SH3BP5: variants seen among roughly 807,000 people sequenced by gnomAD.
SH3BP5 encodes the protein SH3 domain-binding protein 5.
SH3BP5 carries 22 observed loss-of-function variants against 43.3 expected under a neutral mutation model. That is an observed-to-expected ratio of 0.51 (90% CI 0.36 to 0.73). The LOEUF (loss-of-function observed/expected upper bound fraction) is 0.73, where lower values mean the gene tolerates loss of function less well. Among genes scored for constraint, SH3BP5 ranks in the 30% least tolerant of loss-of-function variants. The probability of loss-of-function intolerance (pLI) is 0.00; values close to 1 mark genes in which losing one functional copy is unlikely to be tolerated. For missense variants in SH3BP5, 529 were observed against 586.9 expected (o/e 0.90, Z 1.02); for synonymous variants, 255 against 225.8 (o/e 1.13, Z -1.16).
chr3:15,297,836 T>C (rs1432274725), intron 3 of SH3BP5, among the ~76,000 whole-genome samples: 1 of 152,126 alleles, frequency 6.6e-6, no homozygotes, highest in Admixed American at 6.5e-5. Flanking sequence ...TGACTGTATA[T>C]GTGAGAGATC....
At chr3:15,318,807 A>G (rs527460263) in intron 2 of SH3BP5, among the ~76,000 whole-genome samples, 12 of 152,338 alleles carry the variant, frequency 7.9e-5, no homozygotes, top group African/African-American at 2.9e-4. Flanking sequence ...CGTAGCCTCA[A>G]GCCATCTGCT....
intron 2 of SH3BP5, among the ~76,000 whole-genome samples, chr3:15,307,250 C>T (rs1341749547): frequency 2.0e-5 from 3 of 152,132 alleles, no homozygotes; most frequent in African/African-American, 7.2e-5. Flanking sequence ...CCTTATCAGA[C>T]CAGGCTTAGG....
At chr3:15,329,646 G>A (rs1282314103) in intron 2 of SH3BP5, among the ~76,000 whole-genome samples, 3 of 152,192 alleles carry the variant, frequency 2.0e-5, no homozygotes, top group Non-Finnish European at 4.4e-5. Context: ...GGGACCATGT[G>A]CTTCTTGTCC....
intron 3 of SH3BP5, chr3:15,273,414 GAA>G (rs1696873054): frequency 8.1e-6 from 8 of 985,248 alleles, no homozygotes; most frequent in Non-Finnish European, 9.6e-6. Context: ...CTCTACAAAG[GAA>G]AAGAGGAAGC....
At chr3:15,268,962 C>A (rs752295051) in intron 4 of SH3BP5, among the ~76,000 whole-genome samples, 5 of 152,130 alleles carry the variant, frequency 3.3e-5, no homozygotes, top group Non-Finnish European at 7.4e-5. Flanking sequence ...TCCTACCTAC[C>A]AATGCACTTC....
chr3:15,339,914 G>GCT, intron 1 of SH3BP5: 1 of 152,010 alleles, frequency 6.6e-6, no homozygotes, highest in East Asian at 1.9e-4. Flanking sequence ...CTAAAAAAAG[G>GCT]GGGGAAAAAG....
At chr3:15,304,331 C>T (rs750390955) in intron 2 of SH3BP5, 100 bp from the exon 3 acceptor site, 9 of 1,566,938 alleles carry the variant, frequency 5.7e-6, no homozygotes, top group Middle Eastern at 1.7e-4. Flanking sequence ...GGACTTTACC[C>T]AACGTACAGA....
At chr3:15,299,483 ATT>A (rs60281447) in intron 3 of SH3BP5, among the ~76,000 whole-genome samples, 174 of 92,242 alleles carry the variant, frequency 1.9e-3, no homozygotes, top group African/African-American at 6.3e-3. Context: ...CAACAATTAG[ATT>A]TTTTTTTTTT....
intron 5 of SH3BP5, among the ~76,000 whole-genome samples, chr3:15,261,750 C>G (rs1696450246): frequency 6.6e-6 from 1 of 151,984 alleles, no homozygotes; most frequent in Admixed American, 6.6e-5. Context: ...TTTATCAGCT[C>G]TTGATCACAG....
In SH3BP5 at chr3:15,256,009, T is replaced by G; in HGVS notation, c.*77A>C. 8.3e-7 allele frequency: 1 copy of G among 1,208,430 alleles called. No individual in the cohort carries two copies. Among genetic ancestry groups the G allele is most frequent in the Admixed American group, 1.9e-5 (1 of 51,688 alleles). 74.9% of individuals were successfully genotyped at this position (1,208,430 alleles called of 1,614,324 possible). A position where few individuals can be genotyped will look rare whatever the true frequency, so the allele number is the denominator to read the frequency against. Reference sequence around the variant, plus strand: ...TAGACGTGTAAGATTTGGCATATATTAAATGATTATTGGCACAATGTTCTC... The same window carrying G: ...TAGACGTGTAAGATTTGGCATATATGAAATGATTATTGGCACAATGTTCTC... On this transcript the variant is annotated 3_prime_UTR_variant, in exon 9 of 9. Coordinates refer to ENST00000383791, the MANE Select transcript of SH3BP5 (RefSeq NM_004844.5).
At chr3:15,338,420 A>G (rs1365723370) in intron 1 of SH3BP5, among the ~76,000 whole-genome samples, 1 of 152,264 alleles carries the variant, frequency 6.6e-6, no homozygotes, top group African/African-American at 2.4e-5. Context: ...TGTCTGGACT[A>G]AGAATGAATC....
intron 3 of SH3BP5, among the ~76,000 whole-genome samples, chr3:15,284,235 G>T (rs1480212898): frequency 6.6e-6 from 1 of 152,124 alleles, no homozygotes; most frequent in Non-Finnish European, 1.5e-5. Context: ...CTCTCTCCAT[G>T]CCACCATCTG....
At chr3:15,269,678 C>T in intron 4 of SH3BP5, 35 bp downstream of exon 4, 2 of 1,499,562 alleles carry the variant, frequency 1.3e-6, no homozygotes, top group Non-Finnish European at 1.8e-6. Context: ...CATGCACGCG[C>T]ACACCCCCAC....
At chr3:15,317,996 G>A (rs549368752) in intron 2 of SH3BP5, among the ~76,000 whole-genome samples, 1 of 152,118 alleles carries the variant, frequency 6.6e-6, no homozygotes, top group East Asian at 1.9e-4. Context: ...CTATTTAAGG[G>A]TATGGGCTCC....
Position 15,254,728 on chromosome 3 carries a change from CTTAA to C in SH3BP5, c.*1354_*1357del, listed in dbSNP as rs879786952. 2 of 150,928 alleles carry C rather than the reference CTTAA, an allele frequency of 1.3e-5. No homozygotes were observed. The highest frequency in any genetic ancestry group is 2.5e-5 in the African/African-American group (1 of 40,280). The allele number at this position is 150,928 out of a possible 1,614,324, so 9.3% of individuals were successfully genotyped here. On this transcript the variant is annotated 3_prime_UTR_variant, in exon 9 of 9. Coordinates refer to ENST00000383791, the MANE Select transcript of SH3BP5 (RefSeq NM_004844.5). ...GGCTTAAATTATTACTGTTCATGACCTTAATTAATTGAAAATGATTACTGGTGAC... is the reference window on the plus strand; with the variant it reads ...GGCTTAAATTATTACTGTTCATGACCTTAATTGAAAATGATTACTGGTGAC...
intron 2 of SH3BP5, among the ~76,000 whole-genome samples, chr3:15,323,238 A>G (rs1214346038): frequency 6.6e-6 from 1 of 152,226 alleles, no homozygotes; most frequent in Non-Finnish European, 1.5e-5. Flanking sequence ...CTGCTGATCC[A>G]GTGACTACAA....
In SH3BP5 at chr3:15,338,892, T is replaced by C. The variant is rs375238708; in HGVS notation, c.-402+2331A>G. Among the ~76,000 whole-genome samples the C allele has an allele frequency of 1.6e-4, 24 of 152,250 alleles. No individual in the cohort carries two copies. The East Asian group carries it at 3.9e-3, about 24-fold the overall frequency. ...ACCCTATTGGCAGACCACTTACACC[T>C]GGCAGGCCACACACAGGTAAATGTC... is the stretch of plus-strand genomic sequence containing the variant. On this transcript the variant is annotated intron_variant, in intron 1 of 8. Coordinates refer to the SH3BP5 transcript ENST00000408919.
chr3:15,256,235 T>C lies in SH3BP5; in HGVS notation c.1219A>G (p.Ser407Gly), dbSNP rs1392363319. The change falls in exon 9 of 9, where the codon AGC becomes GGC. Residue 407 changes from serine to glycine, a missense_variant. Around this residue, in one of 3 missense-constraint regions of SH3BP5, gnomAD observed 369 missense variants for 384.3 expected, o/e 0.96. Transcript: ENST00000383791. ...TTACTGCTGCCACCACTGCCACTGC[T>C]ACTGCTGAGGCCCCGGTTGTTGTTG... Reference protein sequence around the residue: ...KANNNRGLSSSSGSGGSSKSQ... With the variant: ...KANNNRGLSSGSGSGGSSKSQ... The C allele has an allele frequency of 4.3e-6, 7 of 1,614,100 alleles. No homozygotes were observed. In the Admixed American group the frequency reaches 1.0e-4, roughly 23 times the overall value.
intron 3 of SH3BP5, among the ~76,000 whole-genome samples, chr3:15,283,592 C>G (rs532732702): frequency 6.6e-6 from 1 of 152,364 alleles, no homozygotes; most frequent in Admixed American, 6.5e-5. Flanking sequence ...TTAGTGGCCA[C>G]ACCACTCCAG....
Sources: allele counts gnomAD v4.1 joint callset (sites outside exome capture counted in the v4.1 genomes callset), GRCh38; gene constraint gnomAD v4.1.1; regional missense constraint gnomAD v4.1.1; transcripts MANE v1.5; gene names NCBI Gene and HGNC (gene_info 2026-07-23, HGNC 2026-07-21).